The following EIF3A variants were observed in gnomAD, a reference collection of about 807,000 sequenced individuals.
EIF3A encodes EIF3, p180 subunit.
In EIF3A, 21 loss-of-function variants were observed where a neutral mutation model predicts 186.6. The observed-to-expected ratio is 0.11, with a 90% CI of 0.08 to 0.16. The LOEUF (loss-of-function observed/expected upper bound fraction) is 0.16. EIF3A is among the 10% of genes least tolerant of loss of function. The pLI, the probability that EIF3A is intolerant of heterozygous loss-of-function variation, is 1.00. For missense variants in EIF3A, 1,306 were observed against 1,796.3 expected, an observed-to-expected ratio of 0.73 and a Z score of 4.93; for synonymous variants, 563 against 584.3, an observed-to-expected ratio of 0.96 and a Z score of 0.52.
At chr10:119,038,574 A>G (rs781546218) in intron 19 of EIF3A, 135 bp from the exon 20 acceptor site, 4 of 720,102 alleles carry the variant, frequency 5.6e-6, no homozygotes, top group Non-Finnish European at 9.2e-6. Flanking sequence ...AAAAAATACT[A>G]AAGCTGTGTA....
chr10:119,056,870 C>T lies in EIF3A; in HGVS notation c.2083-17G>A, dbSNP rs1192096395. ...ATAGTCAATCTGAATGACACGAAAACACACGTAGTTTTAAAAAATCTCTCT... is the reference window on the plus strand; with the variant it reads ...ATAGTCAATCTGAATGACACGAAAATACACGTAGTTTTAAAAAATCTCTCT... On this transcript the variant is annotated splice_polypyrimidine_tract_variant and intron_variant, in intron 13 of 21. Coordinates refer to ENST00000369144, the MANE Select transcript of EIF3A (RefSeq NM_003750.4). 1 of 1,599,026 alleles carries T rather than the reference C, an allele frequency of 6.3e-7. No individual in the cohort carries two copies. The highest frequency in any genetic ancestry group is 1.7e-5 in the Admixed American group (1 of 59,952).
intron 6 of EIF3A, among the ~76,000 whole-genome samples, chr10:119,067,729 G>A (rs185123743): frequency 1.3e-5 from 2 of 152,330 alleles, no homozygotes; most frequent in Non-Finnish European, 2.9e-5. Context: ...AAGACAATTT[G>A]CTTTACATAA....
At chr10:119,041,274 G>GA (rs1377532656) in intron 19 of EIF3A, among the ~76,000 whole-genome samples, 2 of 152,004 alleles carry the variant, frequency 1.3e-5, no homozygotes, top group Non-Finnish European at 2.9e-5. Flanking sequence ...CCAGGACTAA[G>GA]AAAAAAAATG....
rs1843794059 is a variant in EIF3A, at chr10:119,057,017, A to T, written c.2001T>A (p.Asp667Glu). Residue 667 changes from aspartate to glutamate, a missense_variant, in exon 13 of 22, where the codon GAT becomes GAA. Physicochemically the swap from Asp to Glu is conservative, Grantham distance 45 (BLOSUM62 2). This residue lies in a region of EIF3A where 94 missense variants were observed against 204.9 expected (regional missense o/e 0.46). Transcript: ENST00000369144. ...GTTCAACCTGTTTAGCCATGATAAA[A>T]TCTGGATCCAATTCCTCAAGGTCCT... ...DIEDLEELDP[D>E]FIMAKQVEQL... is the part of the protein sequence containing the mutation. The T allele has an allele frequency of 6.2e-7, 1 of 1,609,538 alleles. No individual in the cohort carries two copies. Among genetic ancestry groups the T allele is most frequent in the African/African-American group, 1.3e-5 (1 of 74,656 alleles).
intron 20 of EIF3A, 98 bp from the exon 21 acceptor site, chr10:119,037,407 T>C: frequency 2.8e-6 from 3 of 1,075,466 alleles, no homozygotes; most frequent in Non-Finnish European, 4.0e-6. Flanking sequence ...AGTTTACAAA[T>C]ATAACAGACA....
chr10:119,034,527 T>A lies in EIF3A; in HGVS notation c.*1512A>T, dbSNP rs990435593. The A allele has an allele frequency of 6.6e-6, 1 of 152,222 alleles. No individual in the cohort carries two copies. The highest frequency in any genetic ancestry group is 2.4e-5 in the African/African-American group (1 of 41,450). 9.4% of individuals were successfully genotyped at this position (152,222 alleles called of 1,614,324 possible). A position where few individuals can be genotyped will look rare whatever the true frequency, so the allele number is the denominator to read the frequency against. On this transcript the variant is annotated 3_prime_UTR_variant, in exon 22 of 22. Coordinates refer to ENST00000369144, the MANE Select transcript of EIF3A (RefSeq NM_003750.4). ...CTCCCCACGAAAGACCTTTAAAGACTTCTACGTATTTGAAATACCAGATAC... is the reference window on the plus strand; with the variant it reads ...CTCCCCACGAAAGACCTTTAAAGACATCTACGTATTTGAAATACCAGATAC...
chr10:119,039,337 G>A (rs7084494), intron 19 of EIF3A, among the ~76,000 whole-genome samples: 9,685 of 152,060 alleles, frequency 0.064, 579 homozygotes, highest in African/African-American at 0.16. Context: ...ATTTGCTGGT[G>A]ACCTCACTGT....
rs1163779075 is a variant in EIF3A at position 119,061,248 on chromosome 10, T to C, written c.1203A>G (p.Leu401=). Residue 401 remains leucine (L), a synonymous_variant, in exon 8 of 22, where the codon TTA becomes TTG. Coordinates refer to ENST00000369144, the MANE Select transcript of EIF3A (RefSeq NM_003750.4). ...YNWLEVEFNP[L]KLCERVTKVL... is the part of the protein sequence containing the mutation. ...CCTTTGTGACTCGCTCACAGAGTTT[T>C]AATGGGTTAAATTCTACTTCAAGCC... 5.0e-6 allele frequency: 8 copies of C among 1,584,278 alleles called. No homozygotes were observed. The highest frequency in any genetic ancestry group is 1.7e-4 in the Middle Eastern group (1 of 6,016).
intron 5 of EIF3A, among the ~76,000 whole-genome samples, chr10:119,070,174 T>C (rs377469593): frequency 1.2e-3 from 188 of 152,338 alleles, no homozygotes; most frequent in South Asian, 8.9e-3. Flanking sequence ...CCTCTATAAT[T>C]TCAATCAAAT....
At chr10:119,064,619 C>A (rs1019866128) in intron 7 of EIF3A, among the ~76,000 whole-genome samples, 1 of 152,210 alleles carries the variant, frequency 6.6e-6, no homozygotes, top group African/African-American at 2.4e-5. Flanking sequence ...TCCCCAGATG[C>A]AGAAGCCACT....
chr10:119,063,286 G>A (rs1843919606), intron 7 of EIF3A, among the ~76,000 whole-genome samples: 1 of 152,016 alleles, frequency 6.6e-6, no homozygotes, highest in South Asian at 2.1e-4. Context: ...ATACAAAGTA[G>A]AAAAAAAGCT....
Position 119,065,401 on chromosome 10 carries a change from T to C in EIF3A, c.1120A>G (p.Met374Val), listed in dbSNP as rs901793271. The C allele has an allele frequency of 1.8e-5, 29 of 1,608,642 alleles. No homozygotes were observed. The highest frequency in any genetic ancestry group is 2.5e-5 in the Non-Finnish European group (29 of 1,176,736). Residue 374 changes from methionine (M) to valine (V), a missense_variant and splice_region_variant, in exon 7 of 22, where the codon ATG (methionine) becomes GTG (valine). Around this residue, in one of 8 missense-constraint regions of EIF3A, gnomAD observed 267 missense variants for 367.8 expected, o/e 0.73. Coordinates refer to ENST00000369144, the MANE Select transcript of EIF3A (RefSeq NM_003750.4). ...PPTRIGLIND[M>V]VRFNVLQYVV... is the part of the protein sequence containing the mutation. ...AAAATCCTCAAATTAATACTAACCA[T>C]ATCATTAATAAGGCCAATTCGTGTC...
At chr10:119,053,836 A>G (rs1015415241) in intron 14 of EIF3A, among the ~76,000 whole-genome samples, 3 of 152,218 alleles carry the variant, frequency 2.0e-5, no homozygotes, top group Admixed American at 6.5e-5. Context: ...TTCACATCGT[A>G]CTGTTATGTC....
chr10:119,068,524 A>T (rs1167648629), intron 6 of EIF3A, among the ~76,000 whole-genome samples: 3 of 151,824 alleles, frequency 2.0e-5, no homozygotes, highest in Non-Finnish European at 4.4e-5. Flanking sequence ...AAAATACAAA[A>T]AATTAGCCAG....
At chr10:119,068,219 G>A (rs576447647) in intron 6 of EIF3A, among the ~76,000 whole-genome samples, 8 of 152,158 alleles carry the variant, frequency 5.3e-5, no homozygotes, top group Non-Finnish European at 1.2e-4. Flanking sequence ...TTTGTTGCTA[G>A]AGAAGTTTCT....
At position 119,058,171 on chromosome 10, in the gene EIF3A, G is replaced by C; in HGVS notation, c.1762C>G (p.Gln588Glu). ...TGTTCCAATTCTTCTTTCTCACGCT[G>C]AATATTCAGACTCTCAAGGCGCTCT... The part of the protein sequence containing the change: ...RKERLESLNI[Q>E]REKEELEQRE... Residue 588 changes from glutamine to glutamate, a missense_variant, in exon 12 of 22, where the codon CAG becomes GAG. This residue lies in a region of EIF3A where 94 missense variants were observed against 204.9 expected (regional missense o/e 0.46). Coordinates refer to ENST00000369144, the MANE Select transcript of EIF3A (RefSeq NM_003750.4). The C allele has an allele frequency of 3.1e-6, 5 of 1,613,984 alleles. No homozygotes were observed. The highest frequency in any genetic ancestry group is 4.2e-6 in the Non-Finnish European group (5 of 1,180,010).
intron 6 of EIF3A, among the ~76,000 whole-genome samples, 195 bp from the exon 7 acceptor site, chr10:119,065,765 G>A (rs894931971): frequency 3.3e-5 from 5 of 152,186 alleles, no homozygotes; most frequent in African/African-American, 1.2e-4. Flanking sequence ...ACGAATACTT[G>A]GAGAATCAGG....
At chr10:119,041,109 C>A (rs1848202669) in intron 19 of EIF3A, among the ~76,000 whole-genome samples, 1 of 151,472 alleles carries the variant, frequency 6.6e-6, no homozygotes. Context: ...ACCTGGGAGG[C>A]AGAGGTTGCA....
At chr10:119,046,098 G>T (rs1848280028) in intron 17 of EIF3A, among the ~76,000 whole-genome samples, 1 of 152,112 alleles carries the variant, frequency 6.6e-6, no homozygotes, top group Non-Finnish European at 1.5e-5. Flanking sequence ...AGGGCAAAAG[G>T]CCAAAAAGAA....
Sources: gnomAD v4.1 joint callset for allele counts (sites outside exome capture counted in the v4.1 genomes callset) on GRCh38, gnomAD v4.1.1 for gene constraint, gnomAD v4.1.1 regional missense constraint, MANE v1.5 for transcripts, NCBI Gene and HGNC (gene_info 2026-07-23, HGNC 2026-07-21) for gene names.